The following KCNK6 variants were observed in gnomAD, a reference collection of about 807,000 sequenced individuals.
The protein encoded by KCNK6 is potassium channel subfamily K member 6.
A neutral mutation model predicts 21.9 loss-of-function variants in KCNK6; 20 were observed. The observed-to-expected ratio is 0.91, with a 90% CI of 0.64 to 1.32. The LOEUF (loss-of-function observed/expected upper bound fraction) is 1.32. KCNK6 is among the 40% of genes most tolerant of loss of function. The pLI, the probability that KCNK6 is intolerant of heterozygous loss-of-function variation, is 0.00. For synonymous variants in KCNK6, 210 were observed against 218.0 expected (o/e 0.96, Z 0.32); for missense variants, 415 against 433.1 (o/e 0.96, Z 0.37).
Position 38,327,123 on chromosome 19 carries a change from C to G in KCNK6, c.719-57C>G, listed in dbSNP as rs536193505. 8.5e-4 allele frequency: 1,359 copies of G among 1,590,942 alleles called. 24 individuals carry two copies. In the South Asian group the frequency reaches 0.013, roughly 15 times the overall value. On this transcript the variant is annotated intron_variant, in intron 2 of 2. Coordinates refer to ENST00000263372, the MANE Select transcript of KCNK6 (RefSeq NM_004823.3). ...CCTGCAGGGTCCAGTAGAACTGCGG[C>G]CCCGCCTGGAAAATCTGAGCCCCAG...
Position 38,327,666 on chromosome 19 carries a change from G to T in KCNK6, c.*263G>T. 2.0e-6 allele frequency: 1 copy of T among 512,476 alleles called. No homozygotes were observed. The highest frequency in any genetic ancestry group is 3.5e-6 in the Non-Finnish European group (1 of 284,718). The allele number at this position is 512,476 out of a possible 1,614,324, so 31.7% of individuals were successfully genotyped here. A position where few individuals can be genotyped will look rare whatever the true frequency, so the allele number is the denominator to read the frequency against. ...ATCCTCTTTACACTGTGTCTCTCTG[G>T]CTCTCTGGCATTCTCGCTGCCTCTG... On this transcript the variant is annotated 3_prime_UTR_variant, in exon 3 of 3. Coordinates refer to ENST00000263372, the MANE Select transcript of KCNK6 (RefSeq NM_004823.3).
chr19:38,322,825 A>G (rs1183875476), intron 1 of KCNK6, among the ~76,000 whole-genome samples: 1 of 146,292 alleles, frequency 6.8e-6, no homozygotes, highest in East Asian at 2.1e-4. Context: ...AAAAAAACAA[A>G]AAACAGGCCG....
rs1969733243 is a variant in KCNK6 at position 38,328,201 on chromosome 19, C to T, written c.*798C>T. The T allele has an allele frequency of 6.6e-6, 1 of 152,244 alleles. No individual in the cohort carries two copies. The highest frequency in any genetic ancestry group is 2.4e-5 in the African/African-American group (1 of 41,432). The allele number at this position is 152,244 out of a possible 1,614,324, so 9.4% of individuals were successfully genotyped here. A position where few individuals can be genotyped will look rare whatever the true frequency, so the allele number is the denominator to read the frequency against. On this transcript the variant is annotated 3_prime_UTR_variant, in exon 3 of 3. Transcript: ENST00000263372. ...TAAGACCTGAACTATGAGAAATAGG[C>T]AGGAAGAAGTTGTACCTGACTCATT...
rs1288472698 is a variant in KCNK6 at position 38,328,594 on chromosome 19, C to T, written c.*1191C>T. Reference sequence around the variant, plus strand: ...GTGGCTCACGCCTATACACCCAGCACTTTGGAAGGCTGAGGAAGGAGGATC... The same window carrying T: ...GTGGCTCACGCCTATACACCCAGCATTTTGGAAGGCTGAGGAAGGAGGATC... On this transcript the variant is annotated 3_prime_UTR_variant, in exon 3 of 3. Transcript: ENST00000263372. 1 of 152,338 alleles carries T rather than the reference C, an allele frequency of 6.6e-6. No individual in the cohort carries two copies. The highest frequency in any genetic ancestry group is 1.5e-5 in the Non-Finnish European group (1 of 68,140). The allele number at this position is 152,338 out of a possible 1,614,324, so 9.4% of individuals were successfully genotyped here.
chr19:38,325,243 A>T, intron 1 of KCNK6: 1 of 180,950 alleles, frequency 5.5e-6, no homozygotes, highest in Non-Finnish European at 1.1e-5. Context: ...CAGCCTGCTG[A>T]GTAGCTGGGA....
chr19:38,320,067 G>C lies in KCNK6; in HGVS notation c.117G>C (p.Glu39Asp), dbSNP rs1327169935. Reference sequence around the variant, plus strand: ...CGCACGAAGCCAGGCTCCGAGCCGAGCTGGAGACGCTGCGGGCGCAGCTGC... The same window carrying C: ...CGCACGAAGCCAGGCTCCGAGCCGACCTGGAGACGCTGCGGGCGCAGCTGC... ...EGPHEARLRA[E>D]LETLRAQLLQ... Residue 39 changes from glutamate (E) to aspartate (D), a missense_variant, in exon 1 of 3, where the codon GAG (glutamate) becomes GAC (aspartate). By Grantham distance (45) the Glu-to-Asp change is conservative. Transcript: ENST00000263372. 1.3e-6 allele frequency: 2 copies of C among 1,524,662 alleles called. No homozygotes were observed. Among genetic ancestry groups the C allele is most frequent in the Admixed American group, 2.0e-5 (1 of 49,880 alleles). The allele number at this position is 1,524,662 out of a possible 1,614,324, so 94.4% of individuals were successfully genotyped here.
In KCNK6 at chr19:38,326,939, G is replaced by T; in HGVS notation, c.669G>T (p.Gly223=). 3 of 1,608,634 alleles carry T rather than the reference G, an allele frequency of 1.9e-6. No homozygotes were observed. Among genetic ancestry groups the T allele is most frequent in the Non-Finnish European group, 2.5e-6 (3 of 1,179,968 alleles). ...STIGLGDYVP[G]EAPGQPYRAL... ...TCGGCCTGGGCGACTACGTGCCCGG[G>T]GAGGCCCCTGGCCAGCCCTACCGGG... The change falls in exon 2 of 3, where the codon GGG becomes GGT. Residue 223 remains glycine (G), a synonymous_variant. Coordinates refer to ENST00000263372, the MANE Select transcript of KCNK6 (RefSeq NM_004823.3).
intron 1 of KCNK6, among the ~76,000 whole-genome samples, chr19:38,322,564 C>A (rs769826813): frequency 2.6e-5 from 4 of 152,248 alleles, no homozygotes; most frequent in Non-Finnish European, 5.9e-5. Flanking sequence ...CGCCTATAAT[C>A]CCAGCACTTT....
chr19:38,325,072 T>C (rs994138101), intron 1 of KCNK6: 1 of 151,940 alleles, frequency 6.6e-6, no homozygotes, highest in Non-Finnish European at 1.5e-5. Flanking sequence ...ATGTGGGAGA[T>C]GGAGTTATTG....
At chr19:38,320,334 C>A in intron 1 of KCNK6, 62 bp downstream of exon 1, 1 of 1,566,784 alleles carries the variant, frequency 6.4e-7, no homozygotes, top group Non-Finnish European at 8.7e-7. Flanking sequence ...TCCTTAACCC[C>A]TGGGGACCCC....
chr19:38,321,308 G>T (rs572987959), intron 1 of KCNK6, among the ~76,000 whole-genome samples: 1 of 152,212 alleles, frequency 6.6e-6, no homozygotes, highest in East Asian at 1.9e-4. Context: ...ATACTCCCCA[G>T]CAGGCAACTC....
In KCNK6 at chr19:38,331,338, A is replaced by G. The variant is rs1408750539; in HGVS notation, c.*3935A>G. On this transcript the variant is annotated 3_prime_UTR_variant, in exon 3 of 3. Transcript: ENST00000263372. Reference sequence around the variant, plus strand: ...GAGCAAGACCCTGTCCTAGGAGAAAAAAAAGGGCCAGGCACAGTGGCTCAC... The same window carrying G: ...GAGCAAGACCCTGTCCTAGGAGAAAGAAAAGGGCCAGGCACAGTGGCTCAC... The G allele has an allele frequency of 6.6e-6, 1 of 151,098 alleles. No homozygotes were observed. The highest frequency in any genetic ancestry group is 1.5e-5 in the Non-Finnish European group (1 of 67,978). The allele number at this position is 151,098 out of a possible 1,614,324, so 9.4% of individuals were successfully genotyped here. A position where few individuals can be genotyped will look rare whatever the true frequency, so the allele number is the denominator to read the frequency against.
At chr19:38,323,497 G>A (rs1052321826) in intron 1 of KCNK6, among the ~76,000 whole-genome samples, 3 of 152,240 alleles carry the variant, frequency 2.0e-5, no homozygotes, top group African/African-American at 4.8e-5. Context: ...ACTGGGAATC[G>A]GAGAGAGGAA....
chr19:38,331,808 A>G lies in KCNK6; in HGVS notation c.*4405A>G, dbSNP rs1394332743. Reference sequence around the variant, plus strand: ...GTGTGTCATTTATTTTTCACTCTACACAAGTAGTACCTAATATGGTGAGGT... The same window carrying G: ...GTGTGTCATTTATTTTTCACTCTACGCAAGTAGTACCTAATATGGTGAGGT... On this transcript the variant is annotated 3_prime_UTR_variant, in exon 3 of 3. Coordinates refer to ENST00000263372, the MANE Select transcript of KCNK6 (RefSeq NM_004823.3). 1 of 152,172 alleles carries G rather than the reference A, an allele frequency of 6.6e-6. No individual in the cohort carries two copies. The highest frequency in any genetic ancestry group is 1.5e-5 in the Non-Finnish European group (1 of 68,044). 9.4% of individuals were successfully genotyped at this position (152,172 alleles called of 1,614,324 possible).
rs1450933254 is a variant in KCNK6, at chr19:38,331,991, G to C, written c.*4588G>C. 1 of 152,180 alleles carries C rather than the reference G, an allele frequency of 6.6e-6. No individual in the cohort carries two copies. Among genetic ancestry groups the C allele is most frequent in the Non-Finnish European group, 1.5e-5 (1 of 68,044 alleles). The allele number at this position is 152,180 out of a possible 1,614,324, so 9.4% of individuals were successfully genotyped here. A position where few individuals can be genotyped will look rare whatever the true frequency, so the allele number is the denominator to read the frequency against. On this transcript the variant is annotated 3_prime_UTR_variant, in exon 3 of 3. Coordinates refer to ENST00000263372, the MANE Select transcript of KCNK6 (RefSeq NM_004823.3). ...GTAATAGCACCTACCTCATGGACTT[G>C]AGAAGTCAGCAACTTCATACCTCTA... is the stretch of plus-strand genomic sequence containing the variant.
intron 1 of KCNK6, among the ~76,000 whole-genome samples, chr19:38,321,029 C>G (rs530582029): frequency 6.6e-6 from 1 of 152,092 alleles, no homozygotes; most frequent in South Asian, 2.1e-4. Context: ...CTGACTTTAT[C>G]TCTAGTCTGG....
intron 1 of KCNK6, among the ~76,000 whole-genome samples, chr19:38,324,631 C>A (rs970894462): frequency 1.3e-5 from 2 of 152,172 alleles, no homozygotes; most frequent in African/African-American, 4.8e-5. Context: ...TTCATGAATA[C>A]CTCATTGGCC....
At position 38,330,648 on chromosome 19, in the gene KCNK6, A is replaced by AAAAAAAAAAAAAAAAAAAAG. The variant is rs1568367217; in HGVS notation, c.*3249_*3250insAAAAAAAAAAAAAAAGAAAA. The AAAAAAAAAAAAAAAAAAAAG allele has an allele frequency of 2.8e-5, 4 of 141,496 alleles. No homozygotes were observed. The highest frequency in any genetic ancestry group is 1.5e-4 in the Admixed American group (2 of 13,702). 8.8% of individuals were successfully genotyped at this position (141,496 alleles called of 1,614,324 possible). On this transcript the variant is annotated 3_prime_UTR_variant, in exon 3 of 3. Transcript: ENST00000263372. The stretch of plus-strand genomic sequence containing the variant: ...TGTCTCAAAAAAAAAAAAAGAAAAG[A>AAAAAAAAAAAAAAAAAAAAG]AAAAGAAAAAGAAAAAGAAAATATG...
rs1969626575 is a variant in KCNK6, at chr19:38,319,917, GC to G, written c.-32del. 1 of 1,381,928 alleles carries G rather than the reference GC, an allele frequency of 7.2e-7. No individual in the cohort carries two copies. Among genetic ancestry groups the G allele is most frequent in the African/African-American group, 1.5e-5 (1 of 65,368 alleles). The allele number at this position is 1,381,928 out of a possible 1,614,324, so 85.6% of individuals were successfully genotyped here. A position where few individuals can be genotyped will look rare whatever the true frequency, so the allele number is the denominator to read the frequency against. On this transcript the variant is annotated 5_prime_UTR_variant, in exon 1 of 3. Coordinates refer to ENST00000263372, the MANE Select transcript of KCNK6 (RefSeq NM_004823.3). ...CGGAGGCGGGGGCCACGTCAGCGGG[GC>G]CACCCAGGGCTCGCGGGGTCCCGGT...
Sources: gnomAD v4.1 joint callset for allele counts (sites outside exome capture counted in the v4.1 genomes callset) on GRCh38, gnomAD v4.1.1 for gene constraint, MANE v1.5 for transcripts, NCBI Gene and HGNC (gene_info 2026-07-23, HGNC 2026-07-21) for gene names.